SYTL5: variants seen among roughly 807,000 people sequenced by gnomAD.
SYTL5 encodes synaptotagmin like 5.
A neutral mutation model predicts 55.9 loss-of-function variants in SYTL5; 34 were observed. The observed-to-expected ratio is 0.61, with a 90% CI of 0.46 to 0.81. The LOEUF (loss-of-function observed/expected upper bound fraction) is 0.81. Among genes scored for constraint, SYTL5 ranks in the 30% least tolerant of loss-of-function variants. The pLI is 0.00. For synonymous variants in SYTL5, 221 were observed against 188.7 expected, an observed-to-expected ratio of 1.17 and a Z score of -1.40; for missense variants, 637 against 546.7, an observed-to-expected ratio of 1.17 and a Z score of -1.65.
At chrX:37,954,742 T>G in the SYTL5 span, among the ~76,000 whole-genome samples, 1 of 111,285 alleles carries the variant, frequency 9.0e-6, no homozygotes. Flanking sequence ...AGTTATAACT[T>G]TCCTCCCCAT....
At chrX:38,011,208 G>A (rs886246357) in intron 1 of SYTL5, among the ~76,000 whole-genome samples, 1 of 112,432 alleles carries the variant, frequency 8.9e-6, no homozygotes, top group African/African-American at 3.2e-5. Context: ...ACTTACATAA[G>A]ATTTATACTA....
At chrX:37,915,808 G>A in the SYTL5 span, among the ~76,000 whole-genome samples, 10 of 110,415 alleles carry the variant, frequency 9.1e-5, no homozygotes, top group Admixed American at 5.8e-4. Flanking sequence ...TTGGGGGTTC[G>A]TGGACCCCAG....
the SYTL5 span, among the ~76,000 whole-genome samples, chrX:37,980,021 T>C: frequency 1.2e-4 from 13 of 110,584 alleles, no homozygotes; most frequent in East Asian, 3.7e-3. Context: ...TGTGTTCTCA[T>C]TGTTCAACTC....
At chrX:37,946,334 T>C in the SYTL5 span, 1 of 146,366 alleles carries the variant, frequency 6.8e-6, no homozygotes, top group Non-Finnish European at 1.3e-5. Context: ...TCTTTGATAC[T>C]ACTTGGCACT....
At chrX:38,025,143 A>G (rs1195532590) in intron 1 of SYTL5, among the ~76,000 whole-genome samples, 1 of 112,128 alleles carries the variant, frequency 8.9e-6, no homozygotes, top group Non-Finnish European at 1.9e-5. Flanking sequence ...TATTTTGCGT[A>G]TGTGATTTAG....
chrX:37,980,768 C>T, the SYTL5 span, among the ~76,000 whole-genome samples: 6 of 85,224 alleles, frequency 7.0e-5, no homozygotes, highest in East Asian at 1.9e-3. Flanking sequence ...AAGTTCTGGA[C>T]AAGGTGACCA....
chrX:38,005,680 A>T (rs1886625206), upstream of SYTL5, among the ~76,000 whole-genome samples: 1 of 111,388 alleles, frequency 9.0e-6, no homozygotes, highest in Admixed American at 9.6e-5. Context: ...TCTGAAAAAA[A>T]TGGAACAAAA....
chrX:37,984,337 G>A, the SYTL5 span, among the ~76,000 whole-genome samples: 2,122 of 111,240 alleles, frequency 0.019, 57 homozygotes, highest in African/African-American at 0.066. Flanking sequence ...ATTATCATAA[G>A]GAAAGGCCAT....
At chrX:37,933,722 C>G in the SYTL5 span, among the ~76,000 whole-genome samples, 1 of 111,909 alleles carries the variant, frequency 8.9e-6, no homozygotes, top group Non-Finnish European at 1.9e-5. Flanking sequence ...ATGGGGGCTT[C>G]AAAAATTGTA....
chrX:37,905,363 A>T, the SYTL5 span, among the ~76,000 whole-genome samples: 3,724 of 101,680 alleles, frequency 0.037, 182 homozygotes, highest in African/African-American at 0.13. Flanking sequence ...GTGTAGGTAC[A>T]AACTGTGGGA....
chrX:38,112,664 G>A (rs1937385227), intron 13 of SYTL5, among the ~76,000 whole-genome samples: 1 of 111,946 alleles, frequency 8.9e-6, no homozygotes, highest in Non-Finnish European at 1.9e-5. Context: ...GGGAGGACAG[G>A]CATAAAGGCA....
intron 9 of SYTL5, 48 bp from the exon 10 acceptor site, chrX:38,102,294 T>C: frequency 1.1e-6 from 1 of 912,021 alleles, no homozygotes; most frequent in Non-Finnish European, 1.6e-6. Context: ...AAAAACATTC[T>C]AGAAAAACAA....
the SYTL5 span, among the ~76,000 whole-genome samples, chrX:37,976,639 T>G: frequency 9.0e-6 from 1 of 111,302 alleles, no homozygotes; most frequent in Non-Finnish European, 1.9e-5. Flanking sequence ...TGCAACAATT[T>G]CTTAAAATTT....
In SYTL5 at chrX:38,094,275, C is replaced by A. The variant is rs1207165742; in HGVS notation, c.832-20C>A. 8.5e-7 allele frequency: 1 copy of A among 1,177,875 alleles called. No individual in the cohort carries two copies. The highest frequency in any genetic ancestry group is 2.2e-5 in the Admixed American group (1 of 44,556). ...ATTACAGTCAGTATAATTTTTTTCT[C>A]ATTTTTACTTTGTGGGAAGGAGTAT... On this transcript the variant is annotated intron_variant, in intron 7 of 16. Coordinates refer to ENST00000297875, the MANE Select transcript of SYTL5 (RefSeq NM_138780.3).
intron 6 of SYTL5, among the ~76,000 whole-genome samples, chrX:38,084,975 A>G (rs1936633150): frequency 9.0e-6 from 1 of 111,175 alleles, no homozygotes; most frequent in Non-Finnish European, 1.9e-5. Flanking sequence ...CTCTAAGCAC[A>G]CGGGTATATA....
intron 1 of SYTL5, among the ~76,000 whole-genome samples, chrX:38,027,780 G>C (rs984124382): frequency 1.8e-5 from 2 of 108,902 alleles, no homozygotes; most frequent in Non-Finnish European, 3.8e-5. Context: ...GCCAAGCCCA[G>C]CCATGGGTTT....
chrX:38,009,331 A>G (rs1272681935), intron 1 of SYTL5, among the ~76,000 whole-genome samples: 1 of 111,534 alleles, frequency 9.0e-6, no homozygotes, highest in Non-Finnish European at 1.9e-5. Context: ...TCTGCTATAC[A>G]TTTTCCCACT....
At chrX:37,938,705 C>T in the SYTL5 span, among the ~76,000 whole-genome samples, 2 of 111,304 alleles carry the variant, frequency 1.8e-5, no homozygotes, top group Non-Finnish European at 3.8e-5. Flanking sequence ...AATATGTATT[C>T]CTATCCCATT....
intron 3 of SYTL5, among the ~76,000 whole-genome samples, chrX:38,056,687 T>G (rs1415816414): frequency 8.9e-6 from 1 of 112,002 alleles, no homozygotes; most frequent in Non-Finnish European, 1.9e-5. Context: ...TCATTGTAGT[T>G]TTGTCATGCA....
Sources: gnomAD v4.1 joint callset for allele counts (sites outside exome capture counted in the v4.1 genomes callset) on GRCh38, gnomAD v4.1.1 for gene constraint, MANE v1.5 for transcripts, NCBI Gene and HGNC (gene_info 2026-07-23, HGNC 2026-07-21) for gene names.